The following RBFOX1 variants were observed in gnomAD, a reference collection of about 807,000 sequenced individuals.
RBFOX1 encodes RNA binding protein fox-1 homolog 1.
A neutral mutation model predicts 57.7 loss-of-function variants in RBFOX1; 8 were observed. The ratio of observed to expected loss-of-function variants is 0.14; its 90% CI spans 0.08 to 0.25. The LOEUF (loss-of-function observed/expected upper bound fraction) is 0.25. RBFOX1 is among the 10% of genes least tolerant of loss of function. RBFOX1 has a pLI of 1.00. For missense variants in RBFOX1, 611 were observed against 548.5 expected (o/e 1.11, Z -1.14); for synonymous variants, 326 against 222.4 (o/e 1.47, Z -4.15).
At chr16:6,698,596 A>G (rs2061385130) in intron 3 of RBFOX1, among the ~76,000 whole-genome samples, 1 of 152,168 alleles carries the variant, frequency 6.6e-6, no homozygotes, top group Non-Finnish European at 1.5e-5. Context: ...AGAGCCCCAC[A>G]GGGTCTAACA....
intron 1 of RBFOX1, among the ~76,000 whole-genome samples, chr16:5,329,148 G>A (rs973901179): frequency 6.6e-6 from 1 of 152,148 alleles, no homozygotes; most frequent in African/African-American, 2.4e-5. Context: ...AGTTCACAAA[G>A]GTTATGTAAC....
At chr16:7,212,045 C>T (rs1037451264) in intron 4 of RBFOX1, among the ~76,000 whole-genome samples, 1 of 152,004 alleles carries the variant, frequency 6.6e-6, no homozygotes, top group Non-Finnish European at 1.5e-5. Context: ...AAAAGTGGGG[C>T]CAAGAAGGTT....
At chr16:7,053,402 T>C (rs1023604970) in intron 4 of RBFOX1, among the ~76,000 whole-genome samples, 3 of 152,218 alleles carry the variant, frequency 2.0e-5, no homozygotes, top group Non-Finnish European at 2.9e-5. Flanking sequence ...GCTTTTTTCC[T>C]GTAGTCTGAA....
intron 1 of RBFOX1, among the ~76,000 whole-genome samples, chr16:5,388,068 A>G (rs1377218409): frequency 6.6e-6 from 1 of 152,200 alleles, no homozygotes; most frequent in Non-Finnish European, 1.5e-5. Context: ...CCAGGAAGGA[A>G]CACAACCCTC....
At chr16:7,083,328 G>A (rs2059483619) in intron 4 of RBFOX1, among the ~76,000 whole-genome samples, 1 of 151,930 alleles carries the variant, frequency 6.6e-6, no homozygotes, top group African/African-American at 2.4e-5. Context: ...CCATCTTAGG[G>A]CGAATCTCAT....
intron 1 of RBFOX1, among the ~76,000 whole-genome samples, chr16:5,258,090 G>C (rs2062634936): frequency 1.3e-5 from 2 of 152,040 alleles, no homozygotes; most frequent in African/African-American, 4.8e-5. Flanking sequence ...TGTTGCCTAG[G>C]CTGGTCTCAA....
At chr16:7,332,826 A>T in intron 4 of RBFOX1, 1 of 1,427,678 alleles carries the variant, frequency 7.0e-7, no homozygotes, top group Admixed American at 2.8e-5. Flanking sequence ...TCACATTAAG[A>T]GTTGCTGATG....
chr16:6,978,201 C>T (rs978956342), intron 3 of RBFOX1, among the ~76,000 whole-genome samples: 6 of 152,126 alleles, frequency 3.9e-5, no homozygotes, highest in Admixed American at 6.5e-5. Context: ...ACTGGGCCCT[C>T]GGTTGCAGTT....
At chr16:5,908,075 T>TATATATATACATATATATACAC (rs1567133349) in intron 4 of RBFOX1, among the ~76,000 whole-genome samples, 55 of 118,214 alleles carry the variant, frequency 4.7e-4, no homozygotes, top group Admixed American at 1.1e-3. Context: ...TGTATGTATA[T>TATATATATACATATATATACAC]ATATATATAT....
Position 6,007,206 on chromosome 16 carries a change from T to G in RBFOX1, c.351+139871T>G, listed in dbSNP as rs145597746. ...CGTGAATGAATTGATTCACTTCCCATAAGTGGAATAGGACAGAAATGATGA... is the reference window on the plus strand; with the variant it reads ...CGTGAATGAATTGATTCACTTCCCAGAAGTGGAATAGGACAGAAATGATGA... On this transcript the variant is annotated intron_variant, in intron 4 of 19. Coordinates refer to the RBFOX1 transcript ENST00000641259. Among the ~76,000 whole-genome samples the G allele has an allele frequency of 3.3e-5, 5 of 152,294 alleles. No individual in the cohort carries two copies. The East Asian group carries it at 9.6e-4, about 29-fold the overall frequency.
chr16:7,132,462 A>T (rs1021738235), intron 4 of RBFOX1, among the ~76,000 whole-genome samples: 1 of 146,260 alleles, frequency 6.8e-6, no homozygotes, highest in Non-Finnish European at 1.5e-5. Context: ...ACACACACAC[A>T]CACACACACA....
intron 4 of RBFOX1, among the ~76,000 whole-genome samples, chr16:7,242,761 T>C (rs1214298325): frequency 2.0e-5 from 3 of 152,222 alleles, no homozygotes; most frequent in African/African-American, 7.2e-5. Context: ...TTGGACTAAC[T>C]AGTTGTCTGC....
intron 4 of RBFOX1, among the ~76,000 whole-genome samples, chr16:7,214,383 A>C (rs760921526): frequency 5.3e-5 from 8 of 152,038 alleles, no homozygotes; most frequent in Non-Finnish European, 8.8e-5. Context: ...CTCAAGCTAA[A>C]CACTTCTTTG....
intron 3 of RBFOX1, among the ~76,000 whole-genome samples, chr16:6,794,145 G>C (rs756737327): frequency 5.9e-4 from 90 of 152,132 alleles, no homozygotes; most frequent in Non-Finnish European, 9.0e-4. Flanking sequence ...TCCTATGCTG[G>C]AAAGTGTTCC....
At chr16:5,255,451 A>C (rs1596316414) in intron 1 of RBFOX1, among the ~76,000 whole-genome samples, 41 of 123,862 alleles carry the variant, frequency 3.3e-4, no homozygotes, top group Admixed American at 9.2e-4. Flanking sequence ...CATCCAATCC[A>C]CTCTCTTGTG....
chr16:7,012,561 C>G (rs1478905714), intron 3 of RBFOX1, among the ~76,000 whole-genome samples: 3 of 152,184 alleles, frequency 2.0e-5, no homozygotes, highest in Non-Finnish European at 4.4e-5. Context: ...GGTTTCCTTT[C>G]TCTCTTGTAC....
chr16:7,116,331 G>A (rs35242358), intron 4 of RBFOX1, among the ~76,000 whole-genome samples: 1 of 152,074 alleles, frequency 6.6e-6, no homozygotes, highest in Non-Finnish European at 1.5e-5. Context: ...GTCCTCATGA[G>A]CAGTTCATGA....
intron 1 of RBFOX1, among the ~76,000 whole-genome samples, chr16:6,141,917 G>A (rs1385471594): frequency 2.0e-5 from 3 of 151,706 alleles, no homozygotes; most frequent in Non-Finnish European, 4.4e-5. Context: ...AAATTAGCCA[G>A]GTATGGTGGC....
At chr16:5,726,366 C>T (rs548711717) in intron 3 of RBFOX1, among the ~76,000 whole-genome samples, 1 of 152,266 alleles carries the variant, frequency 6.6e-6, no homozygotes, top group East Asian at 1.9e-4. Context: ...AAATTAAATA[C>T]TGCTGAATGG....
Sources: gnomAD v4.1 joint callset for allele counts (sites outside exome capture counted in the v4.1 genomes callset) on GRCh38, gnomAD v4.1.1 for gene constraint, MANE v1.5 for transcripts, NCBI Gene and HGNC (gene_info 2026-07-23, HGNC 2026-07-21) for gene names.